The following MEIKIN variants were observed in gnomAD, a reference collection of about 807,000 sequenced individuals.
MEIKIN encodes the protein meiosis-specific kinetochore protein.
intron 8 of MEIKIN, among the ~76,000 whole-genome samples, chr5:131,883,833 T>C (rs1750734855): frequency 1.3e-5 from 2 of 152,298 alleles, no homozygotes; most frequent in Middle Eastern, 3.4e-3. Context: ...CCCTGTGGCA[T>C]GTAGACAGAA....
rs376289806 is a variant in MEIKIN, at chr5:131,892,613, C to T, written c.704-13565G>A. 6.6e-5 allele frequency among the ~76,000 whole-genome samples: 10 copies of T among 152,166 alleles called. No individual in the cohort carries two copies. In the East Asian group the frequency reaches 9.6e-4, roughly 15 times the overall value. On this transcript the variant is annotated intron_variant, in intron 8 of 12. Coordinates refer to ENST00000442687, the MANE Select transcript of MEIKIN (RefSeq NM_001303622.2). Reference sequence around the variant, plus strand: ...GCATTGGTTATTCTAGTTATCCATTCATCTAATTTTTCTTCAAGGTTTTTA... The same window carrying T: ...GCATTGGTTATTCTAGTTATCCATTTATCTAATTTTTCTTCAAGGTTTTTA...
chr5:131,922,221 T>G (rs1352371892), intron 5 of MEIKIN, among the ~76,000 whole-genome samples: 2 of 152,210 alleles, frequency 1.3e-5, no homozygotes, highest in Non-Finnish European at 2.9e-5. Context: ...GCCTGTTATA[T>G]TTTATATATG....
chr5:131,809,528 G>T (rs1221788284), intron 12 of MEIKIN, among the ~76,000 whole-genome samples: 1 of 152,192 alleles, frequency 6.6e-6, no homozygotes, highest in Non-Finnish European at 1.5e-5. Flanking sequence ...CAAAGAACAG[G>T]CTGGGTGCGG....
intron 9 of MEIKIN, among the ~76,000 whole-genome samples, chr5:131,860,015 G>A (rs1034107776): frequency 6.6e-6 from 1 of 152,072 alleles, no homozygotes; most frequent in African/African-American, 2.4e-5. Context: ...CTTTTGCTTA[G>A]GACTGCTTTG....
intron 8 of MEIKIN, among the ~76,000 whole-genome samples, chr5:131,888,762 GT>G (rs1750848588): frequency 6.6e-6 from 1 of 152,220 alleles, no homozygotes; most frequent in Non-Finnish European, 1.5e-5. Context: ...TGCTTCTGGT[GT>G]TTTAGACATG....
intron 12 of MEIKIN, among the ~76,000 whole-genome samples, chr5:131,816,811 G>A (rs1773111613): frequency 6.6e-6 from 1 of 152,116 alleles, no homozygotes; most frequent in African/African-American, 2.4e-5. Flanking sequence ...ATAACCTAAG[G>A]AATATGAAAT....
chr5:131,843,817 C>T (rs1749961741), intron 11 of MEIKIN, among the ~76,000 whole-genome samples: 1 of 152,226 alleles, frequency 6.6e-6, no homozygotes, highest in Non-Finnish European at 1.5e-5. Flanking sequence ...CTGCCCATTA[C>T]TCAGTTCCAA....
chr5:131,942,863 A>C (rs184881559), intron 3 of MEIKIN, among the ~76,000 whole-genome samples, 168 bp from the exon 4 acceptor site: 113 of 152,218 alleles, frequency 7.4e-4, no homozygotes, highest in South Asian at 6.2e-3. Context: ...CTGATATTTA[A>C]TATTAAACCT....
rs1271065649 is a variant in MEIKIN at position 131,911,186 on chromosome 5, G to A, written c.703+629C>T. On this transcript the variant is annotated intron_variant, in intron 8 of 12. Coordinates refer to ENST00000442687, the MANE Select transcript of MEIKIN (RefSeq NM_001303622.2). ...ATACCTACAGTTCCTAACTTAATGT[G>A]TGGCATTTAGTAAATGCTCATTAAG... 2.6e-5 allele frequency among the ~76,000 whole-genome samples: 4 copies of A among 152,052 alleles called. No homozygotes were observed. In the East Asian group the frequency reaches 7.7e-4, roughly 29 times the overall value.
At chr5:131,851,121 G>C in intron 11 of MEIKIN, 143 bp downstream of exon 11, 1 of 380,104 alleles carries the variant, frequency 2.6e-6, no homozygotes, top group Non-Finnish European at 4.7e-6. Flanking sequence ...AGTGTAAAAA[G>C]GCAACCCACA....
chr5:131,842,112 G>T (rs1178784516), intron 11 of MEIKIN, among the ~76,000 whole-genome samples: 2 of 151,958 alleles, frequency 1.3e-5, no homozygotes, highest in African/African-American at 4.8e-5. Context: ...GACTACAGGT[G>T]CATGCCATCA....
chr5:131,825,298 A>G (rs1749592681), intron 11 of MEIKIN, among the ~76,000 whole-genome samples: 1 of 152,202 alleles, frequency 6.6e-6, no homozygotes, highest in Non-Finnish European at 1.5e-5. Flanking sequence ...AAGAAAAGAT[A>G]TATGTGTCAG....
At chr5:131,888,288 G>T (rs1173678414) in intron 8 of MEIKIN, among the ~76,000 whole-genome samples, 1 of 141,504 alleles carries the variant, frequency 7.1e-6, no homozygotes, top group Non-Finnish European at 1.5e-5. Flanking sequence ...TCGCCACACT[G>T]ACTTCCACAA....
At chr5:131,819,468 GA>G (rs1320629106) in intron 11 of MEIKIN, among the ~76,000 whole-genome samples, 14 of 107,780 alleles carry the variant, frequency 1.3e-4, no homozygotes, top group African/African-American at 4.6e-4. Context: ...GAGGGAGGGG[GA>G]GGGGGGAAAG....
chr5:131,840,591 G>C (rs1408123814), intron 11 of MEIKIN, among the ~76,000 whole-genome samples: 1 of 151,934 alleles, frequency 6.6e-6, no homozygotes, highest in East Asian at 1.9e-4. Context: ...TCAGAAAGCT[G>C]TCTTATTTCT....
chr5:131,840,579 T>A (rs920139403), intron 11 of MEIKIN, among the ~76,000 whole-genome samples: 2 of 152,182 alleles, frequency 1.3e-5, no homozygotes, highest in Non-Finnish European at 2.9e-5. Flanking sequence ...AGCTGTCTTA[T>A]TTCAGAAAGC....
intron 9 of MEIKIN, among the ~76,000 whole-genome samples, chr5:131,876,279 G>A (rs985061249): frequency 6.6e-6 from 1 of 151,456 alleles, no homozygotes; most frequent in African/African-American, 2.4e-5. Context: ...AATCTACAAT[G>A]AACTCAAACA....
intron 8 of MEIKIN, among the ~76,000 whole-genome samples, chr5:131,880,215 G>A (rs888988965): frequency 1.3e-5 from 2 of 151,366 alleles, no homozygotes; most frequent in Admixed American, 6.6e-5. Flanking sequence ...TCAGCCACCC[G>A]AGTAGCTGGG....
chr5:131,848,424 G>C lies in MEIKIN; in HGVS notation c.975+2840C>G, dbSNP rs114051992. 7.5e-3 allele frequency among the ~76,000 whole-genome samples: 1,147 copies of C among 152,162 alleles called. 7 individuals carry two copies. Among genetic ancestry groups the C allele is most frequent in the Non-Finnish European group, 0.011 (722 of 67,974 alleles). ...GTATATCAACAAATTTGATAACCTA[G>C]ATGAAATAAACAAATACCTATAAAC... On this transcript the variant is annotated intron_variant, in intron 11 of 12. Coordinates refer to ENST00000442687, the MANE Select transcript of MEIKIN (RefSeq NM_001303622.2).
Sources: allele counts gnomAD v4.1 joint callset (sites outside exome capture counted in the v4.1 genomes callset), GRCh38; gene constraint gnomAD v4.1.1; transcripts MANE v1.5; gene names NCBI Gene and HGNC (gene_info 2026-07-23, HGNC 2026-07-21).